The following NPHS1 variants were observed in gnomAD, a reference collection of about 807,000 sequenced individuals.
NPHS1 encodes the protein nephrin.
A neutral mutation model predicts 139.7 loss-of-function variants in NPHS1; 107 were observed. The observed-to-expected ratio is 0.77, with a 90% CI of 0.66 to 0.90. The LOEUF (loss-of-function observed/expected upper bound fraction) is 0.90, where lower values mean the gene tolerates loss of function less well. Among genes scored for constraint, NPHS1 ranks in the 40% least tolerant of loss-of-function variants. The pLI is 0.00. For missense variants in NPHS1, 1,580 were observed against 1,654.2 expected, an observed-to-expected ratio of 0.96 and a Z score of 0.78; for synonymous variants, 707 against 706.6, an observed-to-expected ratio of 1.00 and a Z score of -0.01.
rs1465365211 is a variant in NPHS1, at chr19:35,846,142, T to C, written c.1493A>G (p.His498Arg). The C allele has an allele frequency of 1.9e-6, 3 of 1,598,116 alleles. No homozygotes were observed. Among genetic ancestry groups the C allele is most frequent in the East Asian group, 2.3e-5 (1 of 44,002 alleles). ...CCCAGATTTCTCCACGCTGCCGAGA[T>C]GCACGCGCCGCGACTCCTGCGGCAG... is the stretch of plus-strand genomic sequence containing the variant. ...SRLPQESRRV[H>R]LGSVEKSGST... Residue 498 changes from histidine (H) to arginine (R), a missense_variant, in exon 12 of 29, where the codon CAT becomes CGT. By Grantham distance (29) the His-to-Arg change is conservative. Coordinates refer to ENST00000378910, the MANE Select transcript of NPHS1 (RefSeq NM_004646.4).
chr19:35,834,919 C>T (rs1303944151), intron 23 of NPHS1, among the ~76,000 whole-genome samples: 7 of 149,800 alleles, frequency 4.7e-5, no homozygotes, highest in Admixed American at 2.7e-4. Context: ...AAAAAAATGC[C>T]GAGTGCCGTA....
In NPHS1 at chr19:35,844,179, C is replaced by T. The variant is rs1165121865; in HGVS notation, c.2136G>A (p.Ala712=). ...GALHLWNVTR[A]DDGLYQLHCQ... Reference sequence around the variant, plus strand: ...AGTGCAGCTGATAGAGGCCGTCGTCCGCGCGGGTCACATTCCACAGATGCA... The same window carrying T: ...AGTGCAGCTGATAGAGGCCGTCGTCTGCGCGGGTCACATTCCACAGATGCA... Residue 712 remains alanine, a synonymous_variant, in exon 16 of 29, where the codon GCG becomes GCA. Coordinates refer to ENST00000378910, the MANE Select transcript of NPHS1 (RefSeq NM_004646.4). The T allele has an allele frequency of 6.2e-7, 1 of 1,611,474 alleles. No homozygotes were observed. Among genetic ancestry groups the T allele is most frequent in the Non-Finnish European group, 8.5e-7 (1 of 1,179,992 alleles).
In NPHS1 at chr19:35,839,319, G is replaced by C. The variant is rs762184939; in HGVS notation, c.3027C>G (p.Tyr1009Ter). ...TLTGLQPSTR[Y>*]RVWLLASNAL... ...CATTACTGGCCAGCAGCCAGACCCT[G>C]TATCTTGTAGAAGGCTGTAGACCAG... is the stretch of plus-strand genomic sequence containing the variant. The change falls in exon 22 of 29, where the codon TAC becomes TAG. Residue 1009 changes from tyrosine to a stop codon, truncating the protein, a stop_gained. Transcript: ENST00000378910. LOFTEE classifies it high-confidence loss of function. 6.2e-6 allele frequency: 10 copies of C among 1,614,218 alleles called. No homozygotes were observed. The South Asian group carries it at 7.7e-5, about 12-fold the overall frequency.
chr19:35,843,947 C>A (rs1221049577), intron 16 of NPHS1, 156 bp downstream of exon 16: 7 of 1,033,566 alleles, frequency 6.8e-6, no homozygotes, highest in Non-Finnish European at 9.8e-6. Context: ...AGGGGTTCCG[C>A]AGTGGGCGTG....
chr19:35,842,570 G>A lies in NPHS1; in HGVS notation c.2335-20C>T, dbSNP rs1973077316. On this transcript the variant is annotated intron_variant, in intron 17 of 28. Transcript: ENST00000378910. ...TTCTCCCTGGAGGCCCAAGAGTCCA[G>A]AATTGGCCTCCCAGTCTAGCCCCAG... The A allele has an allele frequency of 1.2e-6, 2 of 1,613,310 alleles. No individual in the cohort carries two copies. The highest frequency in any genetic ancestry group is 1.7e-5 in the Admixed American group (1 of 60,016).
Position 35,845,235 on chromosome 19 carries a change from A to C in NPHS1, c.1930+133T>G. The stretch of plus-strand genomic sequence containing the variant: ...CAGTGACCTATGATTGCGTCACTGC[A>C]TTGCAGCCTGAGCGACAAAAAATGA... On this transcript the variant is annotated intron_variant, in intron 14 of 28. Coordinates refer to ENST00000378910, the MANE Select transcript of NPHS1 (RefSeq NM_004646.4). This position sits in a 1 kb window ranked among gnomAD's most constrained non-coding sequence, Gnocchi z 5.5. 1 of 1,028,990 alleles carries C rather than the reference A, an allele frequency of 9.7e-7. No homozygotes were observed. The allele number at this position is 1,028,990 out of a possible 1,614,324, so 63.7% of individuals were successfully genotyped here.
In NPHS1 at chr19:35,851,368, G is replaced by T. The variant is rs767994137; in HGVS notation, c.291C>A (p.His97Gln). The change falls in exon 3 of 29, where the codon CAC (histidine) becomes CAA (glutamine). Residue 97 changes from histidine to glutamine, a missense_variant. Transcript: ENST00000378910. ...GDPARGEFHL[H>Q]IEACDLSDDA... ...CATCGCTGAGGTCACAGGCCTCGAT[G>T]TGCAGGTGGAATTCACCTGCAGGGG... 1 of 1,613,318 alleles carries T rather than the reference G, an allele frequency of 6.2e-7. No homozygotes were observed. Among genetic ancestry groups the T allele is most frequent in the Non-Finnish European group, 8.5e-7 (1 of 1,179,728 alleles).
At position 35,851,656 on chromosome 19, in the gene NPHS1, C is replaced by T. The variant is rs774473854; in HGVS notation, c.75G>A (p.Ala25=). The change falls in exon 2 of 29, where the codon GCG becomes GCA. Residue 25 remains alanine (A), a synonymous_variant. Transcript: ENST00000378910. ...AGCCCCGGGGAACGGAGGCAGGAAT[C>T]GCCAACTGCGCCAGGCCTGAGGACA... is the stretch of plus-strand genomic sequence containing the variant. ...GLLTEGLAQL[A]IPASVPRGFW... The T allele has an allele frequency of 5.6e-6, 9 of 1,613,020 alleles. No homozygotes were observed. Among genetic ancestry groups the T allele is most frequent in the African/African-American group, 1.3e-5 (1 of 75,022 alleles).
At chr19:35,847,443 C>T (rs1400155208) in intron 11 of NPHS1, among the ~76,000 whole-genome samples, 2 of 148,218 alleles carry the variant, frequency 1.3e-5, no homozygotes, top group Non-Finnish European at 1.5e-5. Flanking sequence ...CAACCTGGGC[C>T]TCCCGGATTC....
At chr19:35,830,110 A>G (rs1599834930) in intron 28 of NPHS1, among the ~76,000 whole-genome samples, 1 of 152,344 alleles carries the variant, frequency 6.6e-6, no homozygotes, top group East Asian at 1.9e-4. Flanking sequence ...ATTATCTTTA[A>G]AAATTCATGT....
Position 35,842,235 on chromosome 19 carries a change from G to A in NPHS1, c.2552C>T (p.Ala851Val). ...EHPTPLTKVA[A>V]AGDSTSSATL... is the part of the protein sequence containing the mutation. ...GGCAGAACTGGTGCTGTCTCCAGCTGCAGCCACCTTAGTTAGGGGAGTGGG... is the reference window on the plus strand; with the variant it reads ...GGCAGAACTGGTGCTGTCTCCAGCTACAGCCACCTTAGTTAGGGGAGTGGG... Residue 851 changes from alanine (A) to valine (V), a missense_variant, in exon 19 of 29, where the codon GCA becomes GTA. Physicochemically the swap from Ala to Val is moderately conservative, Grantham distance 64. Coordinates refer to ENST00000378910, the MANE Select transcript of NPHS1 (RefSeq NM_004646.4). The A allele has an allele frequency of 6.2e-7, 1 of 1,613,362 alleles. No homozygotes were observed. The highest frequency in any genetic ancestry group is 2.2e-5 in the East Asian group (1 of 44,876).
intron 11 of NPHS1, among the ~76,000 whole-genome samples, chr19:35,846,466 C>G (rs1973145434): frequency 6.6e-6 from 1 of 152,228 alleles, no homozygotes; most frequent in Admixed American, 6.5e-5. Flanking sequence ...ACACCCAACT[C>G]CTGCTCTGCC....
chr19:35,838,468 G>A (rs1026828583), intron 22 of NPHS1, among the ~76,000 whole-genome samples: 2 of 152,074 alleles, frequency 1.3e-5, no homozygotes, highest in African/African-American at 4.8e-5. Context: ...CAGGAGAATC[G>A]CTTGAACCCG....
intron 19 of NPHS1, 39 bp downstream of exon 19, chr19:35,842,085 C>T: frequency 6.3e-7 from 1 of 1,588,638 alleles, no homozygotes; most frequent in Non-Finnish European, 8.6e-7. Flanking sequence ...GAGGTCCAGA[C>T]CTGGGGCTGG....
chr19:35,851,932 C>A lies in NPHS1; in HGVS notation c.-95G>T, dbSNP rs1397024504. 9.4e-7 allele frequency: 1 copy of A among 1,059,670 alleles called. No homozygotes were observed. Among genetic ancestry groups the A allele is most frequent in the Non-Finnish European group, 1.4e-6 (1 of 702,148 alleles). The allele number at this position is 1,059,670 out of a possible 1,614,324, so 65.6% of individuals were successfully genotyped here. ...GGTCCCTCTCTGTGTGTCTCTGCCA[C>A]CTGCTTTTCTTTTTTATCTCTTTCC... On this transcript the variant is annotated 5_prime_UTR_variant, in exon 1 of 29. Coordinates refer to ENST00000378910, the MANE Select transcript of NPHS1 (RefSeq NM_004646.4).
rs1973122430 is a variant in NPHS1 at position 35,845,425 on chromosome 19, C to T, written c.1873G>A (p.Ala625Thr). The T allele has an allele frequency of 6.2e-7, 1 of 1,614,196 alleles. No homozygotes were observed. Among genetic ancestry groups the T allele is most frequent in the Non-Finnish European group, 8.5e-7 (1 of 1,180,042 alleles). ...GTTTCGCGGAGCTCGGCGCTGTGGGCGCGGCAGGTCACGCGCTGGCCATGA... is the reference window on the plus strand; with the variant it reads ...GTTTCGCGGAGCTCGGCGCTGTGGGTGCGGCAGGTCACGCGCTGGCCATGA... ...RDHGQRVTCR[A>T]HSAELRETVS... The change falls in exon 14 of 29, where the codon GCC becomes ACC. Residue 625 changes from alanine to threonine, a missense_variant. Ala to Thr is a moderately conservative substitution (Grantham distance 58). Transcript: ENST00000378910. The surrounding 1 kb of genome is among the most constrained non-coding windows in gnomAD (Gnocchi z 5.5).
At chr19:35,840,293 C>G (rs530452688) in intron 20 of NPHS1, among the ~76,000 whole-genome samples, 2 of 151,756 alleles carry the variant, frequency 1.3e-5, no homozygotes, top group Non-Finnish European at 2.9e-5. Context: ...GCATGAGCCA[C>G]CGCGCCTGGC....
chr19:35,839,280 A>G lies in NPHS1; in HGVS notation c.3066T>C (p.Ser1022=). The G allele has an allele frequency of 6.2e-7, 1 of 1,614,194 alleles. No homozygotes were observed. The highest frequency in any genetic ancestry group is 8.5e-7 in the Non-Finnish European group (1 of 1,180,042). ...GCTGGGTCCCTTTGTCAGCCAGTCC[A>G]CTGTCCCCCAAGGCATTACTGGCCA... ...WLLASNALGD[S]GLADKGTQLP... The change falls in exon 22 of 29, where the codon AGT becomes AGC. Residue 1022 remains serine, a synonymous_variant. Coordinates refer to ENST00000378910, the MANE Select transcript of NPHS1 (RefSeq NM_004646.4).
At position 35,840,600 on chromosome 19, in the gene NPHS1, C is replaced by T. The variant is rs906764626; in HGVS notation, c.2816-993G>A. Among the ~76,000 whole-genome samples the T allele has an allele frequency of 3.9e-5, 6 of 152,166 alleles. No individual in the cohort carries two copies. In the South Asian group the frequency reaches 1.2e-3, roughly 32 times the overall value. On this transcript the variant is annotated intron_variant, in intron 20 of 28. Coordinates refer to ENST00000378910, the MANE Select transcript of NPHS1 (RefSeq NM_004646.4). ...CCACCCGCCTCGGCCTCCCAAAGTGCTGGGATTACAGGTGTGAGCCACTGC... is the reference window on the plus strand; with the variant it reads ...CCACCCGCCTCGGCCTCCCAAAGTGTTGGGATTACAGGTGTGAGCCACTGC...
Sources: gnomAD v4.1 joint callset for allele counts (sites outside exome capture counted in the v4.1 genomes callset) on GRCh38, gnomAD v4.1.1 for gene constraint, Gnocchi (gnomAD v3.1) non-coding constraint, MANE v1.5 for transcripts, NCBI Gene and HGNC (gene_info 2026-07-23, HGNC 2026-07-21) for gene names.